Variants in ATCAY observed in about 807,000 individuals in gnomAD.
The protein encoded by ATCAY is caytaxin.
Under a neutral mutation model 47.7 loss-of-function variants are expected in ATCAY, and 22 were observed. That is an observed-to-expected ratio of 0.46 (90% CI 0.33 to 0.66). The LOEUF (loss-of-function observed/expected upper bound fraction) is 0.66, where lower values mean the gene tolerates loss of function less well. Among genes scored for constraint, ATCAY ranks in the 30% least tolerant of loss-of-function variants. The probability of loss-of-function intolerance (pLI) is 0.02; values close to 1 mark genes in which losing one functional copy is unlikely to be tolerated. For synonymous variants in ATCAY, 216 were observed against 207.6 expected (o/e 1.04, Z -0.35); for missense variants, 452 against 515.0 (o/e 0.88, Z 1.18).
At chr19:3,905,279 T>C (rs1424393860) in intron 3 of ATCAY, among the ~76,000 whole-genome samples, 155 bp from the exon 4 acceptor site, 1 of 152,138 alleles carries the variant, frequency 6.6e-6, no homozygotes, top group Non-Finnish European at 1.5e-5. Flanking sequence ...GTCGGTTTAA[T>C]TCTGCCCACC....
intron 2 of ATCAY, among the ~76,000 whole-genome samples, chr19:3,891,929 G>A (rs1026885887): frequency 2.0e-5 from 3 of 151,936 alleles, no homozygotes; most frequent in African/African-American, 4.8e-5. Context: ...TCGCTGCAAC[G>A]CCCAGGCTGG....
chr19:3,898,381 C>T (rs1158050485), intron 2 of ATCAY, among the ~76,000 whole-genome samples: 3 of 152,116 alleles, frequency 2.0e-5, no homozygotes, highest in Non-Finnish European at 4.4e-5. Context: ...GACGGGCTTT[C>T]GCCATGTTGC....
intron 6 of ATCAY, among the ~76,000 whole-genome samples, chr19:3,908,705 T>TCCC (rs2038890565): frequency 2.4e-5 from 1 of 42,150 alleles, no homozygotes; most frequent in Non-Finnish European, 5.1e-5. Context: ...CCCCTCCTCC[T>TCCC]CCCTTTTCTC....
intron 2 of ATCAY, among the ~76,000 whole-genome samples, chr19:3,894,100 C>T (rs187932721): frequency 7.3e-4 from 111 of 152,260 alleles, no homozygotes; most frequent in African/African-American, 2.4e-3. Flanking sequence ...CTCCTGTAAT[C>T]CCAGCACTCT....
chr19:3,897,074 C>T (rs1425813781), intron 2 of ATCAY, among the ~76,000 whole-genome samples: 1 of 151,960 alleles, frequency 6.6e-6, no homozygotes, highest in Non-Finnish European at 1.5e-5. Flanking sequence ...CCACCACGCC[C>T]AGCCAGAAAT....
At chr19:3,920,851 A>T in intron 12 of ATCAY, 53 bp downstream of exon 12, 1 of 1,600,932 alleles carries the variant, frequency 6.2e-7, no homozygotes, top group Non-Finnish European at 8.5e-7. Context: ...TCCTTCATGG[A>T]CCTGTATTAG....
chr19:3,892,312 C>T (rs1354527737), intron 2 of ATCAY, among the ~76,000 whole-genome samples: 2 of 152,180 alleles, frequency 1.3e-5, no homozygotes, highest in East Asian at 3.9e-4. Flanking sequence ...AGGCGATCCT[C>T]CCACTGCAGC....
At chr19:3,903,384 C>T (rs948425503) in intron 3 of ATCAY, among the ~76,000 whole-genome samples, 1 of 152,038 alleles carries the variant, frequency 6.6e-6, no homozygotes, top group Non-Finnish European at 1.5e-5. Flanking sequence ...CGTAACCTGG[C>T]GATTGCAACG....
intron 2 of ATCAY, among the ~76,000 whole-genome samples, chr19:3,899,706 T>C (rs2038799544): frequency 6.6e-6 from 1 of 152,140 alleles, no homozygotes; most frequent in Non-Finnish European, 1.5e-5. Flanking sequence ...AATGCTGAGT[T>C]ACAGAGACGA....
intron 7 of ATCAY, 59 bp from the exon 8 acceptor site, chr19:3,910,744 C>T: frequency 6.3e-7 from 1 of 1,578,196 alleles, no homozygotes; most frequent in Non-Finnish European, 8.7e-7. Context: ...CCACCCAGCT[C>T]CTCCCTCCCC....
intron 1 of ATCAY, among the ~76,000 whole-genome samples, chr19:3,884,277 A>C (rs1349071532): frequency 6.6e-6 from 1 of 151,508 alleles, no homozygotes; most frequent in Non-Finnish European, 1.5e-5. Flanking sequence ...ACAGAGCAAG[A>C]CCCCGTCTCT....
chr19:3,913,529 T>C (rs1371729234), intron 8 of ATCAY, among the ~76,000 whole-genome samples: 1 of 152,158 alleles, frequency 6.6e-6, no homozygotes, highest in Non-Finnish European at 1.5e-5. Flanking sequence ...GTCAGGTGCA[T>C]GGCCCTGCTT....
intron 5 of ATCAY, 89 bp from the exon 6 acceptor site, chr19:3,908,179 T>C: frequency 2.5e-6 from 3 of 1,195,160 alleles, no homozygotes; most frequent in Non-Finnish European, 3.6e-6. Flanking sequence ...CCCGAGCGTG[T>C]GGGCACCGGG....
chr19:3,907,984 G>A lies in ATCAY; in HGVS notation c.544+65G>A, dbSNP rs772348771. The A allele has an allele frequency of 1.1e-4, 164 of 1,547,506 alleles. 1 individual carries two copies. The highest frequency in any genetic ancestry group is 5.4e-4 in the East Asian group (23 of 42,210). On this transcript the variant is annotated intron_variant, in intron 5 of 12. Transcript: ENST00000450849. The surrounding 1 kb of genome is among the most constrained non-coding windows in gnomAD (Gnocchi z 5.1). ...CGGCCCACTGGGCAACAGGGGGTTC[G>A]TCAGTGCCCCTCTCTGATGCACGGG... is the stretch of plus-strand genomic sequence containing the variant.
rs758678492 is a variant in ATCAY at position 3,907,735 on chromosome 19, C to T, written c.360C>T (p.Asp120=). The T allele has an allele frequency of 1.3e-4, 210 of 1,613,804 alleles. No homozygotes were observed. The highest frequency in any genetic ancestry group is 2.2e-4 in the Admixed American group (13 of 59,968). Residue 120 remains aspartate (D), a splice_region_variant and synonymous_variant, in exon 5 of 13, where the codon GAC becomes GAT. Transcript: ENST00000450849. The surrounding 1 kb of genome is among the most constrained non-coding windows in gnomAD (Gnocchi z 5.1). The stretch of plus-strand genomic sequence containing the variant: ...CGACTCTCCGCCACCTGCTTCTAGA[C>T]GACACCCCCGTGGCCACCGCCAAGA... ...LGNGNELEWE[D]DTPVATAKNM...
intron 2 of ATCAY, among the ~76,000 whole-genome samples, chr19:3,888,931 T>C (rs1349854114): frequency 1.3e-5 from 2 of 152,052 alleles, no homozygotes; most frequent in African/African-American, 4.8e-5. Flanking sequence ...CACCTGTCTG[T>C]GTTTCTTTGC....
rs781683142 is a variant in ATCAY, at chr19:3,907,804, G to A, written c.429G>A (p.Thr143=). 2.0e-4 allele frequency: 315 copies of A among 1,613,876 alleles called. No homozygotes were observed. Among genetic ancestry groups the A allele is most frequent in the Middle Eastern group, 9.9e-4 (6 of 6,084 alleles). The part of the protein sequence containing the change: ...DSADLFGDGT[T]EDGSAANGRL... Reference sequence around the variant, plus strand: ...CGGATCTATTTGGGGACGGCACGACGGAGGACGGCAGCGCCGCCAACGGGC... The same window carrying A: ...CGGATCTATTTGGGGACGGCACGACAGAGGACGGCAGCGCCGCCAACGGGC... The change falls in exon 5 of 13, where the codon ACG becomes ACA. Residue 143 remains threonine (T), a synonymous_variant. Coordinates refer to ENST00000450849, the MANE Select transcript of ATCAY (RefSeq NM_033064.5). The surrounding 1 kb of genome is among the most constrained non-coding windows in gnomAD (Gnocchi z 5.1).
chr19:3,892,055 A>C (rs1420614337), intron 2 of ATCAY, among the ~76,000 whole-genome samples: 1 of 151,484 alleles, frequency 6.6e-6, no homozygotes. Context: ...ACGCCCAGCT[A>C]ATTTTTGTAT....
intron 7 of ATCAY, 127 bp downstream of exon 7, chr19:3,909,744 G>A: frequency 1.5e-6 from 2 of 1,362,230 alleles, no homozygotes; most frequent in Non-Finnish European, 1.0e-6. Context: ...CTTGAGCCCA[G>A]GAGTTTGAGA....
Sources: gnomAD v4.1 joint callset for allele counts (sites outside exome capture counted in the v4.1 genomes callset) on GRCh38, gnomAD v4.1.1 for gene constraint, Gnocchi (gnomAD v3.1) non-coding constraint, MANE v1.5 for transcripts, NCBI Gene and HGNC (gene_info 2026-07-23, HGNC 2026-07-21) for gene names.